Variants in ACE observed in about 807,000 individuals in gnomAD.
ACE encodes angiotensin-converting enzyme.
In ACE, 122 loss-of-function variants were observed where a neutral mutation model predicts 162.3. The observed-to-expected ratio is 0.75, with a 90% CI of 0.65 to 0.87. ACE has a LOEUF of 0.87. Among genes scored for constraint, ACE ranks in the 40% least tolerant of loss-of-function variants. The pLI, the probability that ACE is intolerant of heterozygous loss-of-function variation, is 0.00. For synonymous variants in ACE, 796 were observed against 720.6 expected (o/e 1.10, Z -1.68); for missense variants, 1,799 against 1,735.1 (o/e 1.04, Z -0.65).
chr17:63,489,037 A>T lies in ACE; in HGVS notation c.2546A>T (p.Tyr849Phe), dbSNP rs2030193846. 6.2e-7 allele frequency: 1 copy of T among 1,614,008 alleles called. No individual in the cohort carries two copies. Among genetic ancestry groups the T allele is most frequent in the Non-Finnish European group, 8.5e-7 (1 of 1,179,998 alleles). ...ERLFQELQPLYLNLHAYVRRA... is the reference protein window; with the variant it reads ...ERLFQELQPLFLNLHAYVRRA... ...CTCTTCCAGGAGCTGCAGCCACTCT[A>T]CCTCAACCTGCATGCCTACGTGCGC... Residue 849 changes from tyrosine to phenylalanine, a missense_variant, in exon 17 of 25, where the codon TAC (tyrosine) becomes TTC (phenylalanine). Physicochemically the swap from Tyr to Phe is conservative, Grantham distance 22 (BLOSUM62 3). Coordinates refer to ENST00000290866, the MANE Select transcript of ACE (RefSeq NM_000789.4).
Position 63,497,265 on chromosome 17 carries a change from C to A in ACE, c.3820C>A (p.Leu1274Met). Residue 1274 changes from leucine to methionine, a missense_variant, in exon 25 of 25, where the codon CTG (leucine) becomes ATG (methionine). Coordinates refer to ENST00000290866, the MANE Select transcript of ACE (RefSeq NM_000789.4). ...FLGIALLVAT[L>M]GLSQRLFSIR... The stretch of plus-strand genomic sequence containing the variant: ...GGGCATCGCCCTGCTGGTAGCCACC[C>A]TGGGCCTCAGCCAGCGGCTCTTCAG... 5 of 1,566,602 alleles carry A rather than the reference C, an allele frequency of 3.2e-6. No individual in the cohort carries two copies. Among genetic ancestry groups the A allele is most frequent in the Non-Finnish European group, 4.3e-6 (5 of 1,158,624 alleles).
chr17:63,481,323 C>A, intron 6 of ACE, 135 bp downstream of exon 6: 2 of 943,236 alleles, frequency 2.1e-6, no homozygotes, highest in East Asian at 2.6e-5. Context: ...GAGCAGTGAG[C>A]TGGGGTCGGC....
chr17:63,480,638 C>G, intron 5 of ACE, 110 bp downstream of exon 5: 11 of 1,152,010 alleles, frequency 9.5e-6, no homozygotes, highest in Non-Finnish European at 1.4e-5. Flanking sequence ...TCACATCTCA[C>G]ATGTGTGGGG....
chr17:63,485,787 A>AC (rs2029897637), intron 13 of ACE: 3 of 239,350 alleles, frequency 1.3e-5, no homozygotes. Context: ...AAAAAAAAAA[A>AC]AAAAACTCAA....
At chr17:63,490,770 C>T in intron 17 of ACE, 184 bp from the exon 18 acceptor site, 5 of 647,342 alleles carry the variant, frequency 7.7e-6, no homozygotes, top group Middle Eastern at 2.9e-4. Flanking sequence ...GCAGTAATGA[C>T]CTACTGGGCT....
chr17:63,496,403 CA>C lies in ACE; in HGVS notation c.3391del (p.Ser1131AlafsTer41). The C allele has an allele frequency of 6.2e-7, 1 of 1,614,176 alleles. No individual in the cohort carries two copies. Among genetic ancestry groups the C allele is most frequent in the Non-Finnish European group, 8.5e-7 (1 of 1,180,022 alleles). On this transcript the variant is annotated frameshift_variant, in exon 23 of 25. Transcript: ENST00000290866. LOFTEE classifies it high-confidence loss of function. ...CCTCGCTCTGCTCCAGGTACTTTGT[CA>C]GCTTCATCATCCAGTTCCAGTTCCA... ...SSVPYIRYFV[S>X]FIIQFQFHEA...
chr17:63,485,222 ACT>A lies in ACE; in HGVS notation c.1922-11_1922-10del. 1 of 1,613,954 alleles carries A rather than the reference ACT, an allele frequency of 6.2e-7. No homozygotes were observed. The highest frequency in any genetic ancestry group is 1.1e-5 in the South Asian group (1 of 91,064). ...GGCAGAGGTTTGTCTGTTTCCCTGCACTCTGTCCCACAGACCTGGTGACTGAT... is the reference window on the plus strand; with the variant it reads ...GGCAGAGGTTTGTCTGTTTCCCTGCACTGTCCCACAGACCTGGTGACTGAT... On this transcript the variant is annotated splice_polypyrimidine_tract_variant and intron_variant, in intron 12 of 24. Transcript: ENST00000290866.
At chr17:63,482,902 G>A (rs1490482557) in intron 8 of ACE, 127 bp from the exon 9 acceptor site, 10 of 1,181,916 alleles carry the variant, frequency 8.5e-6, no homozygotes, top group Admixed American at 5.1e-5. Context: ...CCAGGGTCTC[G>A]AGGGCCAGCC....
rs201277497 is a variant in ACE, at chr17:63,479,047, C to A, written c.458C>A (p.Thr153Asn). Residue 153 changes from threonine (T) to asparagine (N), a missense_variant, in exon 3 of 25, where the codon ACC (threonine) becomes AAC (asparagine). Thr to Asn is a moderately conservative substitution (Grantham distance 65). Transcript: ENST00000290866. ...LLSNMSRIYS[T>N]AKVCLPNKTA... is the part of the protein sequence containing the mutation. ...AGCAACATGAGCAGGATCTACTCCA[C>A]CGCCAAGGTCTGCCTCCCCAACAAG... 1 of 1,613,652 alleles carries A rather than the reference C, an allele frequency of 6.2e-7. No individual in the cohort carries two copies. Among genetic ancestry groups the A allele is most frequent in the Admixed American group, 1.7e-5 (1 of 59,968 alleles).
At chr17:63,487,639 C>T (rs767876142) in intron 15 of ACE, among the ~76,000 whole-genome samples, 7 of 152,294 alleles carry the variant, frequency 4.6e-5, no homozygotes, top group Admixed American at 3.9e-4. Flanking sequence ...CTCTTTTCTC[C>T]CCACTGGCTG....
At position 63,497,242 on chromosome 17, in the gene ACE, G is replaced by A. The variant is rs778929865; in HGVS notation, c.3797G>A (p.Gly1266Asp). 2.0e-5 allele frequency: 31 copies of A among 1,580,930 alleles called. No individual in the cohort carries two copies. In the South Asian group the frequency reaches 3.4e-4, roughly 18 times the overall value. ...GGCCAGTGGCTGCTGCTCTTCCTGGGCATCGCCCTGCTGGTAGCCACCCTG... is the reference window on the plus strand; with the variant it reads ...GGCCAGTGGCTGCTGCTCTTCCTGGACATCGCCCTGCTGGTAGCCACCCTG... ...RVGQWLLLFL[G>D]IALLVATLGL... is the part of the protein sequence containing the mutation. Residue 1266 changes from glycine (G) to aspartate (D), a missense_variant, in exon 25 of 25, where the codon GGC becomes GAC. Coordinates refer to ENST00000290866, the MANE Select transcript of ACE (RefSeq NM_000789.4).
rs1317092103 is a variant in ACE at position 63,497,612 on chromosome 17, C to T, written c.*246C>T. On this transcript the variant is annotated 3_prime_UTR_variant, in exon 25 of 25. Coordinates refer to ENST00000290866, the MANE Select transcript of ACE (RefSeq NM_000789.4). ...TCTGTGAATACAATTAAAGGTCCTG[C>T]CCTCCCCATCTGAGTCTGTGTCCCT... 1.4e-6 allele frequency: 1 copy of T among 690,740 alleles called. No individual in the cohort carries two copies. Among genetic ancestry groups the T allele is most frequent in the Non-Finnish European group, 2.6e-6 (1 of 377,992 alleles). The allele number at this position is 690,740 out of a possible 1,614,324, so 42.8% of individuals were successfully genotyped here.
In ACE at chr17:63,489,074, C is replaced by G; in HGVS notation, c.2583C>G (p.His861Gln). The change falls in exon 17 of 25, where the codon CAC becomes CAG. Residue 861 changes from histidine to glutamine, a missense_variant. Physicochemically the swap from His to Gln is conservative, Grantham distance 24. Coordinates refer to ENST00000290866, the MANE Select transcript of ACE (RefSeq NM_000789.4). ...NLHAYVRRAL[H>Q]RHYGAQHINL... ...ATGCCTACGTGCGCCGGGCCCTGCA[C>G]CGTCACTACGGGGCCCAGCACATCA... The G allele has an allele frequency of 6.2e-7, 1 of 1,613,844 alleles. No homozygotes were observed. Among genetic ancestry groups the G allele is most frequent in the Non-Finnish European group, 8.5e-7 (1 of 1,180,046 alleles).
At chr17:63,480,706 G>A (rs1431410428) in intron 5 of ACE, among the ~76,000 whole-genome samples, 178 bp downstream of exon 5, 3 of 152,234 alleles carry the variant, frequency 2.0e-5, no homozygotes, top group Non-Finnish European at 4.4e-5. Flanking sequence ...TTACAGGTGG[G>A]GACCCTGAGG....
rs572855682 is a variant in ACE at position 63,484,739 on chromosome 17, G to A, written c.1921+198G>A. On this transcript the variant is annotated intron_variant, in intron 12 of 24. Coordinates refer to ENST00000290866, the MANE Select transcript of ACE (RefSeq NM_000789.4). This position sits in a 1 kb window ranked among gnomAD's most constrained non-coding sequence, Gnocchi z 4.0. ...TCTTTCCCCCAGCATCCTAGAGAGG[G>A]TGTGCTCAGACCTGAGGGCCCCTCC... 59 of 1,461,892 alleles carry A rather than the reference G, an allele frequency of 4.0e-5. No homozygotes were observed. In the East Asian group the frequency reaches 1.3e-3, roughly 33 times the overall value. 90.6% of individuals were successfully genotyped at this position (1,461,892 alleles called of 1,614,324 possible). A position where few individuals can be genotyped will look rare whatever the true frequency, so the allele number is the denominator to read the frequency against.
At chr17:63,496,746 C>T (rs2030759434) in intron 23 of ACE, 52 bp from the exon 24 acceptor site, 1 of 1,604,974 alleles carries the variant, frequency 6.2e-7, no homozygotes, top group Non-Finnish European at 8.5e-7. Flanking sequence ...CAGGTGGGGG[C>T]AAGAGGGGCC....
rs4349 is a variant in ACE, at chr17:63,491,783, C to T, written c.2912+402C>T. ...CAGATCCACTCTCACCCCTGACAGG[C>T]TCAGAAGCTGCCTTCCTTGGAGGAT... On this transcript the variant is annotated intron_variant, in intron 19 of 24. Coordinates refer to ENST00000290866, the MANE Select transcript of ACE (RefSeq NM_000789.4). The surrounding 1 kb of genome is among the most constrained non-coding windows in gnomAD (Gnocchi z 4.4). 0.071 allele frequency among the ~76,000 whole-genome samples: 10,871 copies of T among 152,266 alleles called. 1,222 individuals are homozygous for T. Among genetic ancestry groups the T allele is most frequent in the African/African-American group, 0.24 (9,933 of 41,522 alleles).
chr17:63,478,319 G>A, intron 2 of ACE: 1 of 620,274 alleles, frequency 1.6e-6, no homozygotes, highest in Non-Finnish European at 2.8e-6. Context: ...TCTGGAGTAG[G>A]AAGCCAAATT....
At chr17:63,494,786 C>T (rs1232036163) in intron 22 of ACE, among the ~76,000 whole-genome samples, 1 of 152,216 alleles carries the variant, frequency 6.6e-6, no homozygotes, top group Non-Finnish European at 1.5e-5. Flanking sequence ...GAGCTCTGCA[C>T]TGTTTTGTTT....
Sources: allele counts gnomAD v4.1 joint callset (sites outside exome capture counted in the v4.1 genomes callset), GRCh38; gene constraint gnomAD v4.1.1; non-coding constraint Gnocchi (gnomAD v3.1); transcripts MANE v1.5; gene names NCBI Gene and HGNC (gene_info 2026-07-23, HGNC 2026-07-21).